MTREX: variants seen among roughly 807,000 people sequenced by gnomAD.
The protein encoded by MTREX is exosome RNA helicase MTR4.
Under a neutral mutation model 135.4 loss-of-function variants are expected in MTREX, and 76 were observed. The ratio of observed to expected loss-of-function variants is 0.56; its 90% CI spans 0.47 to 0.68. MTREX has a LOEUF of 0.68. Ranked by LOEUF, MTREX falls within the 30% of genes least tolerant of loss-of-function variation. The pLI, the probability that MTREX is intolerant of heterozygous loss-of-function variation, is 0.00. For synonymous variants in MTREX, 404 were observed against 401.6 expected, an observed-to-expected ratio of 1.01 and a Z score of -0.07; for missense variants, 920 against 1,262.1, an observed-to-expected ratio of 0.73 and a Z score of 4.11.
chr5:55,377,259 A>G (rs551562491), intron 16 of MTREX, among the ~76,000 whole-genome samples: 45 of 152,256 alleles, frequency 3.0e-4, no homozygotes, highest in Non-Finnish European at 5.1e-4. Flanking sequence ...CCCGGGAGGC[A>G]GATCTTGCAG....
chr5:55,374,986 G>A (rs1045874391), intron 16 of MTREX, among the ~76,000 whole-genome samples: 4 of 152,140 alleles, frequency 2.6e-5, no homozygotes, highest in East Asian at 3.8e-4. Context: ...GGTAGGTTCC[G>A]TGATGCCCCA....
chr5:55,400,405 G>A lies in MTREX; in HGVS notation c.2465G>A (p.Cys822Tyr). ...AATTTGGAAACTGTGTATACGCTTTGTGAAAAAAAAGCACAGGTATGGCAG... is the reference window on the plus strand; with the variant it reads ...AATTTGGAAACTGTGTATACGCTTTATGAAAAAAAAGCACAGGTATGGCAG... ...DPNLETVYTL[C>Y]EKKAQIAIDI... is the part of the protein sequence containing the mutation. The change falls in exon 21 of 27, where the codon TGT becomes TAT. Residue 822 changes from cysteine to tyrosine, a missense_variant. Physicochemically the swap from Cys to Tyr is radical, Grantham distance 194. Coordinates refer to ENST00000230640, the MANE Select transcript of MTREX (RefSeq NM_015360.5). The A allele has an allele frequency of 6.3e-7, 1 of 1,580,344 alleles. No individual in the cohort carries two copies. Among genetic ancestry groups the A allele is most frequent in the Non-Finnish European group, 8.6e-7 (1 of 1,161,836 alleles).
intron 7 of MTREX, among the ~76,000 whole-genome samples, chr5:55,342,456 G>A (rs1749666708): frequency 6.6e-6 from 1 of 151,824 alleles, no homozygotes; most frequent in Admixed American, 6.6e-5. Context: ...ATGTGTTTAT[G>A]GTAAAAACAA....
intron 12 of MTREX, 83 bp downstream of exon 12, chr5:55,349,735 CTA>C: frequency 1.2e-5 from 9 of 764,034 alleles, no homozygotes; most frequent in Non-Finnish European, 1.8e-5. Context: ...TTTTATTACT[CTA>C]TTGCACTTTT....
intron 18 of MTREX, among the ~76,000 whole-genome samples, chr5:55,385,778 A>G (rs1000571162): frequency 1.3e-5 from 2 of 152,178 alleles, no homozygotes; most frequent in Non-Finnish European, 2.9e-5. Flanking sequence ...GAAAAATTAT[A>G]GCTAACATAG....
intron 25 of MTREX, among the ~76,000 whole-genome samples, chr5:55,422,611 T>A (rs2111635832): frequency 6.6e-6 from 1 of 152,280 alleles, no homozygotes; most frequent in East Asian, 1.9e-4. Flanking sequence ...CCAAAGTTGC[T>A]CCCTCCTTCT....
At chr5:55,413,449 C>A (rs1284195974) in intron 23 of MTREX, among the ~76,000 whole-genome samples, 1 of 151,256 alleles carries the variant, frequency 6.6e-6, no homozygotes, top group African/African-American at 2.4e-5. Flanking sequence ...TCAAAAATTT[C>A]TTCACAAATA....
At chr5:55,389,674 A>C (rs998889025) in intron 19 of MTREX, among the ~76,000 whole-genome samples, 6 of 152,188 alleles carry the variant, frequency 3.9e-5, no homozygotes, top group Admixed American at 3.9e-4. Context: ...ACAGACAAGA[A>C]TTATATTCCT....
intron 13 of MTREX, among the ~76,000 whole-genome samples, chr5:55,351,316 T>G (rs1281364483): frequency 1.3e-5 from 2 of 152,144 alleles, no homozygotes; most frequent in Admixed American, 6.5e-5. Context: ...GTGGATTACC[T>G]GAGGTCGGGA....
intron 23 of MTREX, among the ~76,000 whole-genome samples, chr5:55,413,462 G>T (rs1307366362): frequency 6.6e-6 from 1 of 151,442 alleles, no homozygotes; most frequent in East Asian, 1.9e-4. Flanking sequence ...CACAAATAAT[G>T]TCTGTTATTC....
In MTREX at chr5:55,344,560, A is replaced by G. The variant is rs1255087243; in HGVS notation, c.945A>G (p.Pro315=). The change falls in exon 9 of 27, where the codon CCA becomes CCG. Residue 315 remains proline, a synonymous_variant. Transcript: ENST00000230640. ...HVIYTDYRPT[P]LQHYIFPAGG... is the part of the protein sequence containing the mutation. ...TTTACACAGATTATCGGCCCACTCC[A>G]TTGCAACACTACATTTTTCCAGCAG... 3.7e-6 allele frequency: 6 copies of G among 1,612,434 alleles called. No homozygotes were observed. Among genetic ancestry groups the G allele is most frequent in the East Asian group, 4.5e-5 (2 of 44,802 alleles).
intron 25 of MTREX, among the ~76,000 whole-genome samples, chr5:55,418,340 T>C (rs1005729940): frequency 6.6e-6 from 1 of 151,004 alleles, no homozygotes; most frequent in Admixed American, 6.6e-5. Flanking sequence ...AAAATTGTCT[T>C]TATGGATTAT....
In MTREX at chr5:55,322,363, T is replaced by C. The variant is rs1561185711; in HGVS notation, c.171T>C (p.Thr57=). 10 of 1,606,604 alleles carry C rather than the reference T, an allele frequency of 6.2e-6. No homozygotes were observed. The South Asian group carries it at 1.1e-4, about 18-fold the overall frequency. Residue 57 remains threonine (T), a synonymous_variant, in exon 2 of 27, where the codon ACT becomes ACC. Transcript: ENST00000230640. ...ATGGTAAATTACAATCAGAATCAAC[T>C]AATAATGGAAAAAATAAGAGAGATG... is the stretch of plus-strand genomic sequence containing the variant. The part of the protein sequence containing the change: ...RFDGKLQSES[T]NNGKNKRDVD...
intron 7 of MTREX, among the ~76,000 whole-genome samples, chr5:55,342,102 G>A (rs576391649): frequency 1.6e-4 from 24 of 152,004 alleles, no homozygotes; most frequent in East Asian, 5.8e-4. Context: ...TAGAGATGGC[G>A]TCTCACAACG....
At chr5:55,397,617 G>T in intron 20 of MTREX, 91 bp downstream of exon 20, 1 of 702,218 alleles carries the variant, frequency 1.4e-6, no homozygotes, top group East Asian at 2.9e-5. Context: ...TAAATATATT[G>T]CTTTCTTTCA....
chr5:55,420,620 A>G (rs955168739), intron 25 of MTREX, among the ~76,000 whole-genome samples: 6 of 152,254 alleles, frequency 3.9e-5, no homozygotes, highest in African/African-American at 7.2e-5. Context: ...CAAAGGCCAC[A>G]TAGTGTATAA....
At chr5:55,334,958 C>G (rs992441234) in intron 5 of MTREX, among the ~76,000 whole-genome samples, 1 of 151,980 alleles carries the variant, frequency 6.6e-6, no homozygotes, top group African/African-American at 2.4e-5. Flanking sequence ...ATTTTATATT[C>G]CTACCAGTAA....
intron 21 of MTREX, among the ~76,000 whole-genome samples, chr5:55,404,363 G>A (rs546384447): frequency 1.3e-5 from 2 of 152,204 alleles, no homozygotes; most frequent in South Asian, 4.2e-4. Flanking sequence ...TGACATCAAG[G>A]TGATACATTT....
chr5:55,395,457 C>T (rs1368104989), intron 19 of MTREX, among the ~76,000 whole-genome samples: 2 of 151,968 alleles, frequency 1.3e-5, no homozygotes, highest in Non-Finnish European at 2.9e-5. Context: ...CACCATTAGG[C>T]AACTACCACA....
Sources: gnomAD v4.1 joint callset for allele counts (sites outside exome capture counted in the v4.1 genomes callset) on GRCh38, gnomAD v4.1.1 for gene constraint, MANE v1.5 for transcripts, NCBI Gene and HGNC (gene_info 2026-07-23, HGNC 2026-07-21) for gene names.